The following TTC22 variants were observed in gnomAD, a reference collection of about 807,000 sequenced individuals.
The protein encoded by TTC22 is tetratricopeptide repeat protein 22.
A neutral mutation model predicts 48.2 loss-of-function variants in TTC22; 42 were observed. The ratio of observed to expected loss-of-function variants is 0.87; its 90% CI spans 0.68 to 1.13. The LOEUF is 1.13. TTC22 is among the 50% of genes most tolerant of loss of function. The probability of loss-of-function intolerance (pLI) is 0.00; values close to 1 mark genes in which losing one functional copy is unlikely to be tolerated. For synonymous variants in TTC22, 345 were observed against 365.5 expected (o/e 0.94, Z 0.64); for missense variants, 784 against 807.0 (o/e 0.97, Z 0.34).
In TTC22 at chr1:54,796,701, T is replaced by A. The variant is rs549264168; in HGVS notation, c.567+3896A>T. On this transcript the variant is annotated intron_variant, in intron 1 of 6. Coordinates refer to ENST00000371276, the MANE Select transcript of TTC22 (RefSeq NM_001114108.2). ...TTGGCTTGGGACAGGGATTTTTTTT[T>A]AATCTTAGACAATAAATAGGGATTT... 7.9e-5 allele frequency among the ~76,000 whole-genome samples: 12 copies of A among 152,264 alleles called. 1 individual carries two copies. The highest frequency in any genetic ancestry group is 4.1e-4 in the South Asian group (2 of 4,824).
rs752863691 is a variant in TTC22, at chr1:54,800,907, C to T, written c.257G>A (p.Arg86His). 1 of 1,610,020 alleles carries T rather than the reference C, an allele frequency of 6.2e-7. No individual in the cohort carries two copies. The highest frequency in any genetic ancestry group is 1.1e-5 in the South Asian group (1 of 90,852). Residue 86 changes from arginine (R) to histidine (H), a missense_variant, in exon 1 of 7, where the codon CGC becomes CAC. Physicochemically the swap from Arg to His is conservative, Grantham distance 29. Transcript: ENST00000371276. ...GTGGGCCACCTCGAGGAAGCACTCG[C>T]GGGCCTCGTCCAGCTCCTCCAGGTA... ...AFYLEELDEARECFLEVAHEH... is the reference protein window; with the variant it reads ...AFYLEELDEAHECFLEVAHEH...
chr1:54,796,794 C>T (rs953096034), intron 1 of TTC22, among the ~76,000 whole-genome samples: 2 of 152,000 alleles, frequency 1.3e-5, no homozygotes, highest in African/African-American at 4.8e-5. Flanking sequence ...AGTTATTCGA[C>T]TAAATTAAAC....
Position 54,781,646 on chromosome 1 carries a change from A to C in TTC22, c.1307T>G (p.Leu436Arg). Reference sequence around the variant, plus strand: ...GATGCGCAGGCACTTGCCGCGCAGCAGCTGCAGCTCGGGCAGCGTGGCACC... The same window carrying C: ...GATGCGCAGGCACTTGCCGCGCAGCCGCTGCAGCTCGGGCAGCGTGGCACC... ...ELGATLPELQLLRGKCLRIKG... is the reference protein window; with the variant it reads ...ELGATLPELQRLRGKCLRIKG... Residue 436 changes from leucine to arginine, a missense_variant, in exon 7 of 7, where the codon CTG becomes CGG. Leu to Arg is a moderately radical substitution (Grantham distance 102). Transcript: ENST00000371276. 6 of 1,530,664 alleles carry C rather than the reference A, an allele frequency of 3.9e-6. No individual in the cohort carries two copies. Among genetic ancestry groups the C allele is most frequent in the Non-Finnish European group, 5.2e-6 (6 of 1,144,172 alleles). 94.8% of individuals were successfully genotyped at this position (1,530,664 alleles called of 1,614,324 possible). A position where few individuals can be genotyped will look rare whatever the true frequency, so the allele number is the denominator to read the frequency against.
intron 1 of TTC22, among the ~76,000 whole-genome samples, chr1:54,796,217 C>T (rs961724814): frequency 6.6e-6 from 1 of 152,274 alleles, no homozygotes; most frequent in Admixed American, 6.5e-5. Context: ...GACACGCATG[C>T]GTGCATACCA....
Position 54,781,422 on chromosome 1 carries a change from CCGCGGGGTACTTGTCCTGGGCGCGG to C in TTC22, c.1506_1530del (p.Gln505CysfsTer77), listed in dbSNP as rs1646261036. 7.1e-7 allele frequency: 1 copy of C among 1,410,762 alleles called. No individual in the cohort carries two copies. The highest frequency in any genetic ancestry group is 3.4e-5 in the Admixed American group (1 of 29,076). The allele number at this position is 1,410,762 out of a possible 1,614,324, so 87.4% of individuals were successfully genotyped here. On this transcript the variant is annotated frameshift_variant, in exon 7 of 7. Coordinates refer to ENST00000371276, the MANE Select transcript of TTC22 (RefSeq NM_001114108.2). LOFTEE classifies it low-confidence loss of function (END_TRUNC). ...CGCTGCAGCTCCTGGCGCAGGCGCG[CCGCGGGGTACTTGTCCTGGGCGCGG>C]CGCAGCCAGGCGTCCACCTCGCGGC...
chr1:54,784,726 A>T (rs1043451127), intron 5 of TTC22: 1 of 1,251,186 alleles, frequency 8.0e-7, no homozygotes, highest in East Asian at 6.4e-5. Flanking sequence ...TAGATTTGCC[A>T]CTAGGTCATG....
intron 5 of TTC22, 39 bp from the exon 6 acceptor site, chr1:54,782,516 C>T: frequency 6.6e-7 from 1 of 1,512,188 alleles, no homozygotes; most frequent in Non-Finnish European, 8.9e-7. Flanking sequence ...ATGATCCAGG[C>T]AAGGGCCTCT....
chr1:54,800,095 C>T (rs1228446489), intron 1 of TTC22, among the ~76,000 whole-genome samples: 3 of 152,158 alleles, frequency 2.0e-5, no homozygotes, highest in Non-Finnish European at 4.4e-5. Context: ...GAGGTCTTGA[C>T]TCTCACATCT....
intron 1 of TTC22, among the ~76,000 whole-genome samples, chr1:54,799,469 G>T (rs560337510): frequency 4.1e-4 from 62 of 152,272 alleles, no homozygotes; most frequent in African/African-American, 1.2e-3. Flanking sequence ...AGAAACCACA[G>T]CCCAGGGAGA....
intron 1 of TTC22, among the ~76,000 whole-genome samples, chr1:54,794,038 T>C (rs1265561441): frequency 1.3e-5 from 2 of 152,200 alleles, no homozygotes; most frequent in Non-Finnish European, 2.9e-5. Flanking sequence ...TCTAAAACTC[T>C]GGGGTGGGAG....
intron 1 of TTC22, among the ~76,000 whole-genome samples, chr1:54,797,387 G>A (rs1231803822): frequency 6.6e-6 from 1 of 152,174 alleles, no homozygotes; most frequent in Non-Finnish European, 1.5e-5. Flanking sequence ...ATGTGGCTGG[G>A]CGCGGTGGCT....
intron 1 of TTC22, among the ~76,000 whole-genome samples, chr1:54,790,159 A>C (rs536723018): frequency 6.6e-6 from 1 of 152,298 alleles, no homozygotes; most frequent in African/African-American, 2.4e-5. Context: ...AGAATCTCTG[A>C]AGCCCAGCAG....
intron 2 of TTC22, 21 bp downstream of exon 2, chr1:54,788,021 C>G: frequency 6.2e-7 from 1 of 1,612,454 alleles, no homozygotes; most frequent in Non-Finnish European, 8.5e-7. Flanking sequence ...ATCCCGTACC[C>G]CCACCACCCT....
intron 6 of TTC22, among the ~76,000 whole-genome samples, chr1:54,781,984 A>G (rs916200477): frequency 2.6e-5 from 4 of 152,264 alleles, no homozygotes; most frequent in African/African-American, 9.6e-5. Context: ...ACACCTAGCT[A>G]TATAACCTTG....
intron 4 of TTC22, 158 bp downstream of exon 4, chr1:54,786,799 T>C (rs2101448042): frequency 4.6e-6 from 2 of 432,286 alleles, no homozygotes; most frequent in South Asian, 6.3e-5. Context: ...TTGTTTTGAA[T>C]GAAGAGAGGA....
At chr1:54,781,821 G>A in intron 6 of TTC22, 42 bp from the exon 7 acceptor site, 2 of 1,377,704 alleles carry the variant, frequency 1.5e-6, no homozygotes, top group East Asian at 3.0e-5. Context: ...CCGCAGGCGC[G>A]GCTCCACGCT....
At chr1:54,784,771 A>C (rs1224092138) in intron 5 of TTC22, 1 of 1,295,990 alleles carries the variant, frequency 7.7e-7, no homozygotes, top group Non-Finnish European at 1.0e-6. Flanking sequence ...GGATGGGAGG[A>C]CTCTTCGGCT....
chr1:54,786,556 T>C, intron 4 of TTC22: 1 of 234,644 alleles, frequency 4.3e-6, no homozygotes. Flanking sequence ...CTATTGTCAT[T>C]GACTGCTTCC....
At position 54,800,860 on chromosome 1, in the gene TTC22, C is replaced by A. The variant is rs140762123; in HGVS notation, c.304G>T (p.Ala102Ser). 124 of 1,610,130 alleles carry A rather than the reference C, an allele frequency of 7.7e-5. 2 individuals carry two copies. The African/African-American group carries it at 1.5e-3, about 19-fold the overall frequency. Residue 102 changes from alanine (A) to serine (S), a missense_variant, in exon 1 of 7, where the codon GCC becomes TCC. Transcript: ENST00000371276. ...TACACGTGTGCCAGATTGGCCCAGG[C>A]ATTGAGGTTGCCCGGGTGCTCGTGG... is the stretch of plus-strand genomic sequence containing the variant. ...VAHEHPGNLN[A>S]WANLAHVYGR...
Sources: allele counts gnomAD v4.1 joint callset (sites outside exome capture counted in the v4.1 genomes callset), GRCh38; gene constraint gnomAD v4.1.1; transcripts MANE v1.5; gene names NCBI Gene and HGNC (gene_info 2026-07-23, HGNC 2026-07-21).